Variants in ZPBP observed in about 807,000 individuals in gnomAD.
The protein encoded by ZPBP is zona pellucida binding protein.
A neutral mutation model predicts 44.8 loss-of-function variants in ZPBP; 26 were observed. The observed-to-expected ratio is 0.58, with a 90% CI of 0.43 to 0.81. The LOEUF (loss-of-function observed/expected upper bound fraction) is 0.81, where lower values mean the gene tolerates loss of function less well. Among genes scored for constraint, ZPBP ranks in the 30% least tolerant of loss-of-function variants. The probability of loss-of-function intolerance (pLI) is 0.00; values close to 1 mark genes in which losing one functional copy is unlikely to be tolerated. For missense variants in ZPBP, 409 were observed against 434.0 expected (o/e 0.94, Z 0.51); for synonymous variants, 174 against 153.2 (o/e 1.14, Z -1.00).
intron 2 of ZPBP, among the ~76,000 whole-genome samples, chr7:49,872,915 C>CGAAAAAAAAAAAA (rs1791232149): frequency 2.9e-5 from 1 of 33,946 alleles, no homozygotes; most frequent in African/African-American, 1.0e-4. Flanking sequence ...GACTTTGTCT[C>CGAAAAAAAAAAAA]AAAAAAAAAA....
intron 1 of ZPBP, among the ~76,000 whole-genome samples, chr7:49,923,323 A>G (rs1481856931): frequency 6.6e-6 from 1 of 152,224 alleles, no homozygotes; most frequent in African/African-American, 2.4e-5. Flanking sequence ...TCCATGTAAA[A>G]AAGAATTATG....
At chr7:50,070,468 G>A (rs2128841559) in intron 3 of ZPBP, among the ~76,000 whole-genome samples, 1 of 152,342 alleles carries the variant, frequency 6.6e-6, no homozygotes, top group South Asian at 2.1e-4. Flanking sequence ...TTTCATCCGG[G>A]TGAAGCTCTC....
intron 2 of ZPBP, among the ~76,000 whole-genome samples, chr7:49,862,174 T>C (rs1285749635): frequency 1.3e-5 from 2 of 152,224 alleles, no homozygotes; most frequent in Admixed American, 1.3e-4. Context: ...TTTATAGTTT[T>C]TAATGCACAA....
At chr7:49,860,658 AG>A (rs1229957188) in intron 2 of ZPBP, among the ~76,000 whole-genome samples, 20 of 152,258 alleles carry the variant, frequency 1.3e-4, no homozygotes, top group African/African-American at 4.8e-4. Flanking sequence ...GTAACTGTTA[AG>A]GACTGAATTA....
intron 2 of ZPBP, among the ~76,000 whole-genome samples, chr7:49,853,788 G>A (rs1262595801): frequency 3.3e-5 from 5 of 151,758 alleles, no homozygotes; most frequent in African/African-American, 7.3e-5. Flanking sequence ...ATATGTATAC[G>A]TGTGCCATGT....
intron 7 of ZPBP, among the ~76,000 whole-genome samples, chr7:49,976,935 T>TA (rs957446080): frequency 6.6e-6 from 1 of 151,760 alleles, no homozygotes; most frequent in African/African-American, 2.4e-5. Flanking sequence ...ACCCCGTCCC[T>TA]ACTAAAAACA....
intron 4 of ZPBP, among the ~76,000 whole-genome samples, chr7:50,034,708 G>T (rs1009383520): frequency 6.6e-6 from 1 of 151,354 alleles, no homozygotes; most frequent in Non-Finnish European, 1.5e-5. Context: ...GTTCAACTAA[G>T]CTTATTATTC....
chr7:49,877,483 T>TATATAC (rs1791479748), intron 2 of ZPBP, among the ~76,000 whole-genome samples: 1 of 10,480 alleles, frequency 9.5e-5, no homozygotes, highest in African/African-American at 4.0e-4. Flanking sequence ...AAAAAAAAAA[T>TATATAC]ATATATATAT....
chr7:49,915,229 T>C (rs991604543), intron 1 of ZPBP: 2 of 152,186 alleles, frequency 1.3e-5, no homozygotes, highest in African/African-American at 2.4e-5. Flanking sequence ...GCAAGAAGTA[T>C]TAGATGCACT....
chr7:49,878,521 A>C (rs1366269466), intron 2 of ZPBP, among the ~76,000 whole-genome samples: 1 of 152,136 alleles, frequency 6.6e-6, no homozygotes, highest in Non-Finnish European at 1.5e-5. Context: ...AAAACTCTGA[A>C]GGTATTTTTT....
rs572871120 is a variant in ZPBP at position 49,851,833 on chromosome 7, G to A, written n.510-1319C>T. On this transcript the variant is annotated intron_variant and non_coding_transcript_variant, in intron 2 of 2. Transcript: ENST00000465922. ...CTTGCGCCATTGCACTCCAGCCTGG[G>A]AGACAGAGCAAGACTCTGTCTAAAA... Among the ~76,000 whole-genome samples, 5 of 151,954 alleles carry A rather than the reference G, an allele frequency of 3.3e-5. No homozygotes were observed. In the South Asian group the frequency reaches 1.0e-3, roughly 32 times the overall value.
downstream of ZPBP, among the ~76,000 whole-genome samples, chr7:49,847,840 G>T (rs191813965): frequency 2.7e-4 from 41 of 152,232 alleles, no homozygotes; most frequent in Non-Finnish European, 5.7e-4. Flanking sequence ...GTGAAAGCCC[G>T]CAGAGGAGGT....
downstream of ZPBP, chr7:49,937,360 C>T (rs1794655753): frequency 1.7e-6 from 1 of 591,666 alleles, no homozygotes; most frequent in South Asian, 2.1e-5. Context: ...TGGATAAAGA[C>T]TAGAGGATTT....
At chr7:49,858,255 C>G (rs751738645) in intron 2 of ZPBP, among the ~76,000 whole-genome samples, 1 of 152,002 alleles carries the variant, frequency 6.6e-6, no homozygotes, top group African/African-American at 2.4e-5. Flanking sequence ...CACATGCACA[C>G]GTATGTTTAT....
At chr7:50,010,642 T>C (rs547561507) in intron 6 of ZPBP, among the ~76,000 whole-genome samples, 1 of 151,918 alleles carries the variant, frequency 6.6e-6, no homozygotes, top group South Asian at 2.1e-4. Context: ...ATATACCTAA[T>C]AAAGGAAGTA....
At chr7:49,953,422 C>G (rs1369749927) in intron 7 of ZPBP, among the ~76,000 whole-genome samples, 1 of 152,038 alleles carries the variant, frequency 6.6e-6, no homozygotes, top group Non-Finnish European at 1.5e-5. Flanking sequence ...TGTCTGTTCC[C>G]AACAGCCAGT....
chr7:49,989,951 G>A (rs1188010224), intron 6 of ZPBP, among the ~76,000 whole-genome samples: 1 of 152,120 alleles, frequency 6.6e-6, no homozygotes, highest in Admixed American at 6.6e-5. Context: ...GCATGTCACA[G>A]GATATCCTTT....
chr7:49,954,880 C>CT lies in ZPBP; in HGVS notation c.962-17259dup, dbSNP rs573498169. ...CTAAAACCAAAAATATCAGAATAAA[C>CT]TTTTTATTCATGGGAGCATATAACA... is the stretch of plus-strand genomic sequence containing the variant. On this transcript the variant is annotated intron_variant, in intron 7 of 7. Transcript: ENST00000046087. Among the ~76,000 whole-genome samples the CT allele has an allele frequency of 2.0e-3, 306 of 152,218 alleles. 1 individual carries two copies. Among genetic ancestry groups the CT allele is most frequent in the African/African-American group, 7.1e-3 (295 of 41,558 alleles).
intron 1 of ZPBP, among the ~76,000 whole-genome samples, chr7:49,922,113 C>T (rs1355519725): frequency 6.6e-6 from 1 of 152,064 alleles, no homozygotes; most frequent in East Asian, 1.9e-4. Context: ...TTGAGGCTCA[C>T]TCAAATATGT....
Sources: gnomAD v4.1 joint callset for allele counts (sites outside exome capture counted in the v4.1 genomes callset) on GRCh38, gnomAD v4.1.1 for gene constraint, MANE v1.5 for transcripts, NCBI Gene and HGNC (gene_info 2026-07-23, HGNC 2026-07-21) for gene names.